C2CD3: variants seen among roughly 807,000 people sequenced by gnomAD.
C2CD3 encodes C2 domain containing 3 centriole elongation regulator, also known as C2 domain-containing protein 3.
C2CD3 carries 148 observed loss-of-function variants against 234.0 expected under a neutral mutation model. The observed-to-expected ratio is 0.63, with a 90% confidence interval of 0.55 to 0.72. The LOEUF is 0.72. Ranked by LOEUF, C2CD3 falls within the 30% of genes least tolerant of loss-of-function variation. The pLI, the probability that C2CD3 is intolerant of heterozygous loss-of-function variation, is 0.00. For missense variants in C2CD3, 2,577 were observed against 2,811.5 expected (o/e 0.92, Z 1.89); for synonymous variants, 1,000 against 1,035.4 (o/e 0.97, Z 0.66).
At chr11:74,123,240 T>G in intron 7 of C2CD3, 105 bp from the exon 8 acceptor site, 1 of 777,540 alleles carries the variant, frequency 1.3e-6, no homozygotes, top group Admixed American at 2.7e-5. Flanking sequence ...GAAGGAGATA[T>G]GTTAAACAAA....
chr11:74,169,050 TCTAA>T (rs1432408507), intron 1 of C2CD3, among the ~76,000 whole-genome samples: 3 of 152,238 alleles, frequency 2.0e-5, no homozygotes, highest in Admixed American at 1.3e-4. Context: ...GTAATCTTTA[TCTAA>T]CTCTCTTTTA....
chr11:74,028,436 C>A, intron 31 of C2CD3, 38 bp from the exon 32 acceptor site: 1 of 1,362,166 alleles, frequency 7.3e-7, no homozygotes, highest in South Asian at 1.3e-5. Flanking sequence ...ACCTAGAAGT[C>A]CACCCCTCTT....
At chr11:74,062,264 C>T (rs1332942973) in intron 24 of C2CD3, among the ~76,000 whole-genome samples, 2 of 152,142 alleles carry the variant, frequency 1.3e-5, no homozygotes, top group African/African-American at 4.8e-5. Context: ...CAGCTCTGCA[C>T]CAAGCGGACC....
intron 26 of C2CD3, among the ~76,000 whole-genome samples, chr11:74,052,215 A>T (rs965318217): frequency 5.9e-5 from 9 of 152,192 alleles, no homozygotes; most frequent in Admixed American, 5.9e-4. Flanking sequence ...CCTGGAAGGT[A>T]GGGAATGTAT....
chr11:74,037,452 T>G (rs2135416800), intron 30 of C2CD3, 26 bp downstream of exon 30: 2 of 1,573,056 alleles, frequency 1.3e-6, no homozygotes, highest in Middle Eastern at 3.7e-4. Flanking sequence ...CCATAACATC[T>G]CAACAAGAAA....
chr11:74,169,307 A>G (rs938178055), intron 1 of C2CD3, among the ~76,000 whole-genome samples: 1 of 152,230 alleles, frequency 6.6e-6, no homozygotes, highest in Admixed American at 6.5e-5. Flanking sequence ...AAAGACATTA[A>G]AGTGTAAACA....
rs532269412 is a variant in C2CD3 at position 74,113,932 on chromosome 11, A to G, written c.1731-40T>C. ...AAAGTGATTAAAAACTAACCAAACA[A>G]TAAACCTAATTTCCGTCTGATAAAT... On this transcript the variant is annotated intron_variant, in intron 10 of 32. Coordinates refer to ENST00000334126, the MANE Select transcript of C2CD3 (RefSeq NM_001286577.2). 1.3e-5 allele frequency: 16 copies of G among 1,194,698 alleles called. 1 individual carries two copies. In the South Asian group the frequency reaches 2.2e-4, roughly 16 times the overall value. 74.0% of individuals were successfully genotyped at this position (1,194,698 alleles called of 1,614,324 possible). A position where few individuals can be genotyped will look rare whatever the true frequency, so the allele number is the denominator to read the frequency against.
chr11:74,100,385 A>G (rs1225834823), intron 15 of C2CD3, 140 bp downstream of exon 15: 3 of 747,396 alleles, frequency 4.0e-6, no homozygotes, highest in South Asian at 3.8e-5. Flanking sequence ...TAGGAGAAAG[A>G]GCAGCAACTC....
intron 26 of C2CD3, among the ~76,000 whole-genome samples, chr11:74,050,478 T>C (rs1450265817): frequency 6.6e-6 from 1 of 152,230 alleles, no homozygotes; most frequent in East Asian, 1.9e-4. Context: ...TGACATGACG[T>C]AGCTGGGGAC....
At position 74,037,583 on chromosome 11, in the gene C2CD3, A is replaced by G. The variant is rs1408302768; in HGVS notation, c.5776T>C (p.Cys1926Arg). Residue 1926 changes from cysteine to arginine, a missense_variant, in exon 30 of 33, where the codon TGT (cysteine) becomes CGT (arginine). Physicochemically the swap from Cys to Arg is radical, Grantham distance 180. Transcript: ENST00000334126. ...GCACCTGGCCCAAGATGGTCCCTAC[A>G]GCTCTCCTGGTGCTGTGAGATGGCC... ...QTAISQHQES[C>R]RDHLGPGASS... The G allele has an allele frequency of 6.2e-7, 1 of 1,613,960 alleles. No individual in the cohort carries two copies. The highest frequency in any genetic ancestry group is 8.5e-7 in the Non-Finnish European group (1 of 1,179,980).
intron 3 of C2CD3, among the ~76,000 whole-genome samples, chr11:74,151,646 G>C (rs1395738287): frequency 6.6e-6 from 1 of 151,478 alleles, no homozygotes; most frequent in Non-Finnish European, 1.5e-5. Flanking sequence ...CATTAAAGGG[G>C]GAAAAAAAAT....
intron 5 of C2CD3, 97 bp from the exon 6 acceptor site, chr11:74,133,654 G>A (rs1240981187): frequency 8.5e-6 from 11 of 1,296,198 alleles, no homozygotes; most frequent in Non-Finnish European, 1.2e-5. Flanking sequence ...ACTCACTAGT[G>A]TGTACTGTAA....
chr11:74,039,583 A>T (rs1365886722), intron 29 of C2CD3, among the ~76,000 whole-genome samples: 1 of 152,148 alleles, frequency 6.6e-6, no homozygotes, highest in Admixed American at 6.5e-5. Flanking sequence ...GGATTCTGAT[A>T]TACACTAAAT....
At chr11:74,043,886 A>C (rs2135424026) in intron 28 of C2CD3, among the ~76,000 whole-genome samples, 1 of 152,160 alleles carries the variant, frequency 6.6e-6, no homozygotes, top group East Asian at 1.9e-4. Flanking sequence ...TCCAGGCTGG[A>C]GTGCATGGCT....
At chr11:74,057,577 T>C in intron 24 of C2CD3, 33 bp from the exon 25 acceptor site, 1 of 1,613,096 alleles carries the variant, frequency 6.2e-7, no homozygotes, top group Admixed American at 1.7e-5. Flanking sequence ...GACTGTACTT[T>C]AGGGTACACA....
intron 31 of C2CD3, among the ~76,000 whole-genome samples, chr11:74,030,769 G>A (rs1319698251): frequency 1.3e-5 from 2 of 152,140 alleles, no homozygotes; most frequent in Non-Finnish European, 2.9e-5. Flanking sequence ...CCTCCTGGAT[G>A]TCCTACAGGC....
chr11:74,103,732 T>A, intron 13 of C2CD3, 107 bp from the exon 14 acceptor site: 1 of 862,668 alleles, frequency 1.2e-6, no homozygotes, highest in South Asian at 1.7e-5. Flanking sequence ...AATTAACTCA[T>A]CCTCAAACAC....
chr11:74,135,382 C>T (rs1322449437), intron 5 of C2CD3, among the ~76,000 whole-genome samples: 1 of 152,094 alleles, frequency 6.6e-6, no homozygotes, highest in Non-Finnish European at 1.5e-5. Flanking sequence ...ATCCTCCCAC[C>T]ACAGCCTCCC....
intron 3 of C2CD3, among the ~76,000 whole-genome samples, chr11:74,149,101 T>C (rs2135554738): frequency 6.6e-6 from 1 of 152,298 alleles, no homozygotes; most frequent in Non-Finnish European, 1.5e-5. Flanking sequence ...ATTATGTCTA[T>C]ACTTTGACTT....
Sources: gnomAD v4.1 joint callset for allele counts (sites outside exome capture counted in the v4.1 genomes callset) on GRCh38, gnomAD v4.1.1 for gene constraint, MANE v1.5 for transcripts, NCBI Gene and HGNC (gene_info 2026-07-23, HGNC 2026-07-21) for gene names.